Variants in AGA observed in about 807,000 individuals in gnomAD.
AGA encodes aspartylglucosaminidase, also known as N(4)-(beta-N-acetylglucosaminyl)-L-asparaginase.
A neutral mutation model predicts 40.1 loss-of-function variants in AGA; 31 were observed. The ratio of observed to expected loss-of-function variants is 0.77; its 90% CI spans 0.58 to 1.04. The LOEUF is 1.04. AGA is among the 50% of genes least tolerant of loss of function. The pLI is 0.00. For missense variants in AGA, 445 were observed against 435.4 expected (o/e 1.02, Z -0.20); for synonymous variants, 148 against 144.0 (o/e 1.03, Z -0.20).
At chr4:177,439,927 G>C in intron 2 of AGA, 2 of 590,178 alleles carry the variant, frequency 3.4e-6, no homozygotes, top group Non-Finnish European at 6.0e-6. Context: ...GTTTCTCCAA[G>C]CTAATTTTAA....
Position 177,442,196 on chromosome 4 carries a change from C to G in AGA, c.127+53G>C, listed in dbSNP as rs1579047319. The G allele has an allele frequency of 3.1e-6, 5 of 1,607,710 alleles. No individual in the cohort carries two copies. The East Asian group carries it at 1.1e-4, about 36-fold the overall frequency. On this transcript the variant is annotated intron_variant, in intron 1 of 8. Transcript: ENST00000264595. ...ACTGCAGCGGGGCGGGCTAGTCATC[C>G]CCACCCGCAAGCTCTCGCGGCGCAG...
intron 6 of AGA, among the ~76,000 whole-genome samples, chr4:177,434,843 T>A (rs1736758199): frequency 6.6e-6 from 1 of 151,836 alleles, no homozygotes; most frequent in Admixed American, 6.6e-5. Context: ...AGAGGCCTAC[T>A]GCGGATCATG....
chr4:177,441,749 T>C (rs1350785144), intron 1 of AGA, among the ~76,000 whole-genome samples: 3 of 152,028 alleles, frequency 2.0e-5, no homozygotes, highest in Non-Finnish European at 2.9e-5. Context: ...ACAGCAAAGG[T>C]TGGAACCTTG....
intron 2 of AGA, 199 bp downstream of exon 2, chr4:177,440,074 T>C: frequency 1.6e-6 from 1 of 644,464 alleles, no homozygotes; most frequent in South Asian, 1.9e-5. Flanking sequence ...AGGGACTACC[T>C]ATCTCTCCAT....
Position 177,437,385 on chromosome 4 carries a change from C to A in AGA, c.622+20G>T, listed in dbSNP as rs200102826. On this transcript the variant is annotated intron_variant, in intron 5 of 8. Transcript: ENST00000264595. The stretch of plus-strand genomic sequence containing the variant: ...ATTAACTAAACTTTATCCATAAAAA[C>A]TGCACAAAAGGCAAATTACCAATAG... 7.6e-5 allele frequency: 115 copies of A among 1,518,446 alleles called. No individual in the cohort carries two copies. In the East Asian group the frequency reaches 2.4e-3, roughly 32 times the overall value. The allele number at this position is 1,518,446 out of a possible 1,614,324, so 94.1% of individuals were successfully genotyped here. A position where few individuals can be genotyped will look rare whatever the true frequency, so the allele number is the denominator to read the frequency against.
intron 6 of AGA, 49 bp downstream of exon 6, chr4:177,436,227 T>G (rs1458782287): frequency 3.4e-6 from 5 of 1,471,532 alleles, no homozygotes; most frequent in South Asian, 2.3e-5. Context: ...CATATATTGC[T>G]CTGCATTCAG....
intron 1 of AGA, among the ~76,000 whole-genome samples, chr4:177,441,503 G>T (rs964807467): frequency 2.0e-5 from 3 of 152,170 alleles, no homozygotes; most frequent in African/African-American, 7.2e-5. Context: ...TATTAACAAG[G>T]TGTAGAAGGC....
At chr4:177,435,931 G>A (rs1736801558) in intron 6 of AGA, among the ~76,000 whole-genome samples, 1 of 151,958 alleles carries the variant, frequency 6.6e-6, no homozygotes, top group Non-Finnish European at 1.5e-5. Flanking sequence ...ACACACCCCA[G>A]TGGGAGCCCT....
At chr4:177,441,823 G>T (rs1454375551) in intron 1 of AGA, among the ~76,000 whole-genome samples, 1 of 152,172 alleles carries the variant, frequency 6.6e-6, no homozygotes, top group Non-Finnish European at 1.5e-5. Flanking sequence ...AAAAGAGTAG[G>T]CTATGGCTGG....
rs149870867 is a variant in AGA at position 177,433,214 on chromosome 4, C to T, written c.940G>A (p.Gly314Ser). 4.1e-5 allele frequency: 66 copies of T among 1,613,850 alleles called. No individual in the cohort carries two copies. Among genetic ancestry groups the T allele is most frequent in the Non-Finnish European group, 4.8e-5 (57 of 1,179,962 alleles). The change falls in exon 8 of 9, where the codon GGT (glycine) becomes AGT (serine). Residue 314 changes from glycine (G) to serine (S), a missense_variant and splice_region_variant. Gly to Ser is a moderately conservative substitution (Grantham distance 56, BLOSUM62 0). Coordinates refer to ENST00000264595, the MANE Select transcript of AGA (RefSeq NM_000027.4). ...AATACAAAATCCAAACACAACTTAC[C>T]GTAACTTCCAGTCACATTGGCACAT... ...VICANVTGSYGAACNKLSTFT... is the reference protein window; with the variant it reads ...VICANVTGSYSAACNKLSTFT...
intron 6 of AGA, 114 bp downstream of exon 6, chr4:177,436,162 C>A: frequency 1.2e-6 from 1 of 855,238 alleles, no homozygotes; most frequent in Non-Finnish European, 2.0e-6. Flanking sequence ...CTTTCACACT[C>A]ATTCATCGCA....
intron 1 of AGA, among the ~76,000 whole-genome samples, chr4:177,441,091 T>C (rs1579046224): frequency 6.6e-6 from 1 of 152,138 alleles, no homozygotes; most frequent in East Asian, 1.9e-4. Flanking sequence ...GGAAGGGTCT[T>C]TGATGGACAA....
chr4:177,442,124 G>T, intron 1 of AGA, 125 bp downstream of exon 1: 1 of 1,417,718 alleles, frequency 7.1e-7, no homozygotes, highest in Non-Finnish European at 9.6e-7. Context: ...GGGCGGGACC[G>T]CGAGGCCCGG....
intron 4 of AGA, 94 bp downstream of exon 4, chr4:177,438,651 A>T: frequency 1.2e-6 from 1 of 850,516 alleles, no homozygotes. Context: ...GATGCTAACC[A>T]GTACCCTGGA....
chr4:177,433,656 T>A (rs1056632618), intron 7 of AGA, among the ~76,000 whole-genome samples: 1 of 152,172 alleles, frequency 6.6e-6, no homozygotes, highest in East Asian at 1.9e-4. Context: ...GAATACAGAT[T>A]TTCAATGAGA....
At position 177,434,337 on chromosome 4, in the gene AGA, A is replaced by G. The variant is rs371516785; in HGVS notation, c.806+45T>C. On this transcript the variant is annotated intron_variant, in intron 7 of 8. Coordinates refer to ENST00000264595, the MANE Select transcript of AGA (RefSeq NM_000027.4). The stretch of plus-strand genomic sequence containing the variant: ...ATTTTCTATCTTAAAAGAAAAAAAT[A>G]TCTTCTCCAAAGGTCTCTAAAATTC... 30 of 1,552,950 alleles carry G rather than the reference A, an allele frequency of 1.9e-5. No homozygotes were observed. The African/African-American group carries it at 3.5e-4, about 18-fold the overall frequency.
chr4:177,433,473 A>T (rs1182721112), intron 7 of AGA, 126 bp from the exon 8 acceptor site: 2 of 1,090,692 alleles, frequency 1.8e-6, no homozygotes, highest in African/African-American at 3.1e-5. Flanking sequence ...TAAATGAACA[A>T]GAGTCGGTTA....
intron 5 of AGA, 66 bp from the exon 6 acceptor site, chr4:177,436,417 TGAGCAACTG>T (rs1736822636): frequency 9.2e-5 from 119 of 1,296,048 alleles, no homozygotes; most frequent in Middle Eastern, 3.8e-4. Flanking sequence ...ACCAAATAAT[TGAGCAACTG>T]GTAATAACTG....
chr4:177,437,490 G>A lies in AGA; in HGVS notation c.537C>T (p.Cys179=), dbSNP rs748171793. Residue 179 remains cysteine (C), a synonymous_variant, in exon 5 of 9, where the codon TGC becomes TGT. Transcript: ENST00000264595. ...AGATACCAGGTGGTTTGTAGGGTCC[G>A]CAGTATTTTGAGGGATCTGGTATAA... ...RNVIPDPSKY[C]GPYKPPGILK... is the part of the protein sequence containing the mutation. 5.7e-5 allele frequency: 92 copies of A among 1,611,434 alleles called. No homozygotes were observed. The Middle Eastern group carries it at 8.2e-4, about 14-fold the overall frequency.
Sources: gnomAD v4.1 joint callset for allele counts (sites outside exome capture counted in the v4.1 genomes callset) on GRCh38, gnomAD v4.1.1 for gene constraint, MANE v1.5 for transcripts, NCBI Gene and HGNC (gene_info 2026-07-23, HGNC 2026-07-21) for gene names.